ZFAND3: variants seen among roughly 807,000 people sequenced by gnomAD.
The protein encoded by ZFAND3 is AN1-type zinc finger protein 3.
Under a neutral mutation model 29.6 loss-of-function variants are expected in ZFAND3, and 10 were observed. That is an observed-to-expected ratio of 0.34 (90% CI 0.21 to 0.57). ZFAND3 has a LOEUF of 0.57. Among genes scored for constraint, ZFAND3 ranks in the 20% least tolerant of loss-of-function variants. ZFAND3 has a pLI of 0.86. For missense variants in ZFAND3, 230 were observed against 304.5 expected (o/e 0.76, Z 1.82); for synonymous variants, 128 against 112.6 (o/e 1.14, Z -0.87).
rs115658482 is a variant in ZFAND3 at position 38,083,389 on chromosome 6, G to A, written c.361+932G>A. Among the ~76,000 whole-genome samples the A allele has an allele frequency of 5.2e-3, 784 of 152,226 alleles. 7 individuals carry two copies. The highest frequency in any genetic ancestry group is 6.5e-3 in the Non-Finnish European group (440 of 68,002). ...GACCAGCTTTGAGGTAGGGTAGGGG[G>A]TGTGAGATAGTCTTGGCATGTTCTT... On this transcript the variant is annotated intron_variant, in intron 4 of 5. Transcript: ENST00000287218.
intron 2 of ZFAND3, among the ~76,000 whole-genome samples, chr6:38,057,263 T>G (rs1315939762): frequency 6.6e-6 from 1 of 152,222 alleles, no homozygotes; most frequent in Non-Finnish European, 1.5e-5. Context: ...TGTTGTTTAC[T>G]TCTTTACATG....
At chr6:37,993,623 G>A (rs1484987941) in intron 2 of ZFAND3, among the ~76,000 whole-genome samples, 2 of 152,064 alleles carry the variant, frequency 1.3e-5, no homozygotes, top group African/African-American at 4.8e-5. Flanking sequence ...CACTGCACTT[G>A]GCCTGTTTTA....
intron 2 of ZFAND3, among the ~76,000 whole-genome samples, chr6:38,016,314 A>G (rs1050839519): frequency 4.6e-5 from 7 of 152,188 alleles, no homozygotes; most frequent in Admixed American, 1.3e-4. Context: ...GCCTTTAACC[A>G]CCTAGATTAA....
At chr6:37,867,382 G>A (rs1265257489) in intron 1 of ZFAND3, among the ~76,000 whole-genome samples, 1 of 152,210 alleles carries the variant, frequency 6.6e-6, no homozygotes. Flanking sequence ...CTGTTAAGGA[G>A]CTGTGGTCCT....
At position 38,131,629 on chromosome 6, in the gene ZFAND3, G is replaced by C. The variant is rs574330787; in HGVS notation, c.529+14890G>C. The stretch of plus-strand genomic sequence containing the variant: ...CTCACTTAGAGATTTATACCTTTTG[G>C]GTGTGTAACACATACCTTCCTCCCA... On this transcript the variant is annotated intron_variant, in intron 5 of 5. Coordinates refer to ENST00000287218, the MANE Select transcript of ZFAND3 (RefSeq NM_021943.3). Among the ~76,000 whole-genome samples, 25 of 152,202 alleles carry C rather than the reference G, an allele frequency of 1.6e-4. No individual in the cohort carries two copies. The East Asian group carries it at 3.9e-3, about 24-fold the overall frequency.
At position 38,069,494 on chromosome 6, in the gene ZFAND3, G is replaced by A. The variant is rs146455431; in HGVS notation, c.295+7719G>A. ...AATGAAGAATGCCCAAACTTTAAATGTCTCTTTTGATTTTAATTTAACGGT... is the reference window on the plus strand; with the variant it reads ...AATGAAGAATGCCCAAACTTTAAATATCTCTTTTGATTTTAATTTAACGGT... On this transcript the variant is annotated intron_variant, in intron 3 of 5. Coordinates refer to ENST00000287218, the MANE Select transcript of ZFAND3 (RefSeq NM_021943.3). Among the ~76,000 whole-genome samples, 138 of 152,290 alleles carry A rather than the reference G, an allele frequency of 9.1e-4. 1 individual carries two copies. Among genetic ancestry groups the A allele is most frequent in the Middle Eastern group, 3.4e-3 (1 of 294 alleles).
At chr6:37,974,824 A>C (rs1356661712) in intron 2 of ZFAND3, among the ~76,000 whole-genome samples, 1 of 152,168 alleles carries the variant, frequency 6.6e-6, no homozygotes, top group Non-Finnish European at 1.5e-5. Flanking sequence ...GTAGTACTAC[A>C]GACTGCCTAA....
intron 2 of ZFAND3, among the ~76,000 whole-genome samples, chr6:38,043,516 C>G (rs1028631596): frequency 1.3e-5 from 2 of 150,366 alleles, no homozygotes; most frequent in Non-Finnish European, 3.0e-5. Flanking sequence ...TCCTCCCTCC[C>G]TCTCTCCTTT....
intron 2 of ZFAND3, among the ~76,000 whole-genome samples, chr6:37,980,488 C>G (rs949718299): frequency 6.6e-6 from 1 of 152,174 alleles, no homozygotes; most frequent in African/African-American, 2.4e-5. Context: ...AATTGTATCA[C>G]TTGATTTGAA....
At chr6:37,862,464 A>T (rs1428927673) in intron 1 of ZFAND3, among the ~76,000 whole-genome samples, 1 of 151,034 alleles carries the variant, frequency 6.6e-6, no homozygotes, top group South Asian at 2.1e-4. Flanking sequence ...AGGCTGGAGG[A>T]TTGCTTGAGC....
rs1186615569 is a variant in ZFAND3, at chr6:37,884,488, C to T, written c.72-45471C>T. ...CAGCCTGGGCAAAAAGAGCGAAACT[C>T]TAGCTCAAAAAAAAAAAAAAAAAAA... On this transcript the variant is annotated intron_variant, in intron 1 of 5. Coordinates refer to ENST00000287218, the MANE Select transcript of ZFAND3 (RefSeq NM_021943.3). Among the ~76,000 whole-genome samples, 27 of 87,006 alleles carry T rather than the reference C, an allele frequency of 3.1e-4. 2 individuals carry two copies. The highest frequency in any genetic ancestry group is 1.7e-3 in the African/African-American group (27 of 15,866). 57.1% of individuals were successfully genotyped at this position (87,006 alleles called of 152,430 possible). A position where few individuals can be genotyped will look rare whatever the true frequency, so the allele number is the denominator to read the frequency against.
intron 2 of ZFAND3, among the ~76,000 whole-genome samples, chr6:38,006,468 T>G (rs771081455): frequency 6.6e-6 from 1 of 152,178 alleles, no homozygotes; most frequent in Non-Finnish European, 1.5e-5. Context: ...CTCTGCTGTT[T>G]CGAGTGCTTT....
chr6:37,939,505 T>C (rs1302560590), intron 2 of ZFAND3, among the ~76,000 whole-genome samples: 2 of 152,162 alleles, frequency 1.3e-5, no homozygotes, highest in Non-Finnish European at 2.9e-5. Flanking sequence ...AATTATCACA[T>C]TCACAGATTC....
intron 2 of ZFAND3, among the ~76,000 whole-genome samples, chr6:37,947,414 C>A (rs1034156811): frequency 2.6e-5 from 4 of 152,098 alleles, no homozygotes; most frequent in Non-Finnish European, 5.9e-5. Context: ...GGACAAGCTA[C>A]TTTACCTGAA....
In ZFAND3 at chr6:38,153,842, C is replaced by T. The variant is rs554377293; in HGVS notation, c.*1453C>T. 56 of 985,538 alleles carry T rather than the reference C, an allele frequency of 5.7e-5. No individual in the cohort carries two copies. The highest frequency in any genetic ancestry group is 1.9e-4 in the African/African-American group (11 of 57,364). 61.0% of individuals were successfully genotyped at this position (985,538 alleles called of 1,614,324 possible). A position where few individuals can be genotyped will look rare whatever the true frequency, so the allele number is the denominator to read the frequency against. On this transcript the variant is annotated 3_prime_UTR_variant, in exon 6 of 6. Transcript: ENST00000287218. ...GGTGGGTGAGGGCAGGAGGCCCCTG[C>T]GGAGGCAGCGTGGATCTGCCCACAC...
intron 2 of ZFAND3, among the ~76,000 whole-genome samples, chr6:38,028,430 T>C (rs971091703): frequency 2.2e-5 from 3 of 136,618 alleles, no homozygotes; most frequent in African/African-American, 7.6e-5. Flanking sequence ...CCTCACATTA[T>C]CTTTTTTTTT....
At chr6:37,941,555 T>A (rs1761811185) in intron 2 of ZFAND3, among the ~76,000 whole-genome samples, 1 of 152,242 alleles carries the variant, frequency 6.6e-6, no homozygotes, top group Non-Finnish European at 1.5e-5. Flanking sequence ...TTGTTCTTGT[T>A]CATATGACTT....
At chr6:37,944,973 G>A (rs1279037474) in intron 2 of ZFAND3, among the ~76,000 whole-genome samples, 1 of 152,226 alleles carries the variant, frequency 6.6e-6, no homozygotes, top group East Asian at 1.9e-4. Flanking sequence ...GAGTATTCAT[G>A]AAGATTTCTG....
intron 2 of ZFAND3, among the ~76,000 whole-genome samples, chr6:37,966,543 G>T (rs1390383819): frequency 3.3e-5 from 5 of 152,012 alleles, no homozygotes; most frequent in Non-Finnish European, 5.9e-5. Context: ...ACCTAGGTTT[G>T]CCAGACTTAC....
Sources: gnomAD v4.1 joint callset for allele counts (sites outside exome capture counted in the v4.1 genomes callset) on GRCh38, gnomAD v4.1.1 for gene constraint, MANE v1.5 for transcripts, NCBI Gene and HGNC (gene_info 2026-07-23, HGNC 2026-07-21) for gene names.